KIRREL3: variants seen among roughly 807,000 people sequenced by gnomAD.
KIRREL3 encodes kin of IRRE-like protein 3.
Under a neutral mutation model 89.7 loss-of-function variants are expected in KIRREL3, and 36 were observed. The observed-to-expected ratio is 0.40, with a 90% CI of 0.31 to 0.53. The LOEUF (loss-of-function observed/expected upper bound fraction) is 0.53, where lower values mean the gene tolerates loss of function less well. Among genes scored for constraint, KIRREL3 ranks in the 20% least tolerant of loss-of-function variants. The pLI, the probability that KIRREL3 is intolerant of heterozygous loss-of-function variation, is 0.49. For synonymous variants in KIRREL3, 445 were observed against 441.4 expected (o/e 1.01, Z -0.10); for missense variants, 864 against 1,056.6 (o/e 0.82, Z 2.53).
chr11:126,946,145 C>G lies in KIRREL3; in HGVS notation c.55+54310G>C, dbSNP rs745416987. Among the ~76,000 whole-genome samples, 3 of 152,200 alleles carry G rather than the reference C, an allele frequency of 2.0e-5. No individual in the cohort carries two copies. Among genetic ancestry groups the G allele is most frequent in the Non-Finnish European group, 4.4e-5 (3 of 68,040 alleles). On this transcript the variant is annotated intron_variant, in intron 1 of 16. Coordinates refer to ENST00000525144, the MANE Select transcript of KIRREL3 (RefSeq NM_032531.4). The surrounding 1 kb of genome is among the most constrained non-coding windows in gnomAD (Gnocchi z 4.1). ...AACCCAGCACCCTAGAACTAAGGCT[C>G]AAGCCCCTTGTGAGAACAAGAACCC...
rs569998794 is a variant in KIRREL3 at position 126,647,709 on chromosome 11, T to C, written c.56-84797A>G. On this transcript the variant is annotated intron_variant, in intron 1 of 16. Transcript: ENST00000525144. The surrounding 1 kb of genome is among the most constrained non-coding windows in gnomAD (Gnocchi z 4.9). ...CTGGATGGCGGCCAGAGCCTCCTAATTGGTCTCGCAGCTTCCATCCTTGTC... is the reference window on the plus strand; with the variant it reads ...CTGGATGGCGGCCAGAGCCTCCTAACTGGTCTCGCAGCTTCCATCCTTGTC... Among the ~76,000 whole-genome samples the C allele has an allele frequency of 3.3e-5, 5 of 152,306 alleles. No homozygotes were observed. The highest frequency in any genetic ancestry group is 1.9e-4 in the East Asian group (1 of 5,172).
chr11:126,948,236 T>C lies in KIRREL3; in HGVS notation c.55+52219A>G, dbSNP rs1948675062. Among the ~76,000 whole-genome samples, 1 of 152,190 alleles carries C rather than the reference T, an allele frequency of 6.6e-6. No individual in the cohort carries two copies. The highest frequency in any genetic ancestry group is 1.5e-5 in the Non-Finnish European group (1 of 68,048). Reference sequence around the variant, plus strand: ...TTGATTTAATAAGAAACCAATTCTATATTATTGAAATTGTACTTGATAATG... The same window carrying C: ...TTGATTTAATAAGAAACCAATTCTACATTATTGAAATTGTACTTGATAATG... On this transcript the variant is annotated intron_variant, in intron 1 of 16. Coordinates refer to ENST00000525144, the MANE Select transcript of KIRREL3 (RefSeq NM_032531.4). This position sits in a 1 kb window ranked among gnomAD's most constrained non-coding sequence, Gnocchi z 4.5.
chr11:126,648,653 C>T (rs937979038), intron 1 of KIRREL3, among the ~76,000 whole-genome samples: 8 of 152,116 alleles, frequency 5.3e-5, no homozygotes, highest in South Asian at 2.1e-4. Context: ...TGTATCAATG[C>T]CTAGTGCACA....
At chr11:126,809,406 G>A (rs1951309014) in intron 1 of KIRREL3, among the ~76,000 whole-genome samples, 1 of 152,184 alleles carries the variant, frequency 6.6e-6, no homozygotes. Context: ...AGACAGACAA[G>A]GAACTGACCG....
rs116164622 is a variant in KIRREL3, at chr11:126,682,800, C to T, written c.56-119888G>A. Among the ~76,000 whole-genome samples, 1 of 152,220 alleles carries T rather than the reference C, an allele frequency of 6.6e-6. No homozygotes were observed. The highest frequency in any genetic ancestry group is 1.5e-5 in the Non-Finnish European group (1 of 68,040). On this transcript the variant is annotated intron_variant, in intron 1 of 16. Coordinates refer to ENST00000525144, the MANE Select transcript of KIRREL3 (RefSeq NM_032531.4). This position sits in a 1 kb window ranked among gnomAD's most constrained non-coding sequence, Gnocchi z 4.8. ...GGCAGAGTTCGGGCGGCAATGTTCA[C>T]TCACCTGCCGCTCACCTCCTGCTGT...
intron 1 of KIRREL3, among the ~76,000 whole-genome samples, chr11:126,923,664 G>C (rs192950537): frequency 6.6e-6 from 1 of 151,944 alleles, no homozygotes; most frequent in African/African-American, 2.4e-5. Context: ...GGCTGGCCTC[G>C]AACTCTTGAG....
In KIRREL3 at chr11:126,993,045, A is replaced by C. The variant is rs1190795026; in HGVS notation, c.55+7410T>G. Among the ~76,000 whole-genome samples, 3 of 152,170 alleles carry C rather than the reference A, an allele frequency of 2.0e-5. No individual in the cohort carries two copies. In the East Asian group the frequency reaches 5.8e-4, roughly 29 times the overall value. On this transcript the variant is annotated intron_variant, in intron 1 of 16. Transcript: ENST00000525144. The surrounding 1 kb of genome is among the most constrained non-coding windows in gnomAD (Gnocchi z 6.1). ...ACTTATTCTCTTGCTCACTTCATCCATCAGCTAGAAAGAACGATTAAAAAG... is the reference window on the plus strand; with the variant it reads ...ACTTATTCTCTTGCTCACTTCATCCCTCAGCTAGAAAGAACGATTAAAAAG...
intron 1 of KIRREL3, among the ~76,000 whole-genome samples, chr11:126,650,713 G>A (rs1019223733): frequency 1.3e-5 from 2 of 152,078 alleles, no homozygotes; most frequent in African/African-American, 2.4e-5. Context: ...ACATTTTCGT[G>A]TCTTCTTCTG....
rs146036641 is a variant in KIRREL3, at chr11:126,909,819, T to C, written c.55+90636A>G. On this transcript the variant is annotated intron_variant, in intron 1 of 16. Transcript: ENST00000525144. This position sits in a 1 kb window ranked among gnomAD's most constrained non-coding sequence, Gnocchi z 4.5. The stretch of plus-strand genomic sequence containing the variant: ...TAAAAAACTTGGTTAAAATATGGAT[T>C]AATCCCTGGGAGGGTGTTATGCAAG... 9.9e-5 allele frequency among the ~76,000 whole-genome samples: 15 copies of C among 152,276 alleles called. No homozygotes were observed. In the East Asian group the frequency reaches 2.7e-3, roughly 27 times the overall value.
chr11:126,751,512 G>T (rs1437128836), intron 1 of KIRREL3, among the ~76,000 whole-genome samples: 1 of 152,174 alleles, frequency 6.6e-6, no homozygotes, highest in Non-Finnish European at 1.5e-5. Flanking sequence ...AGGGAGAGAT[G>T]ATTTTCTACA....
chr11:126,774,186 A>G (rs977054540), intron 1 of KIRREL3, among the ~76,000 whole-genome samples: 16 of 146,210 alleles, frequency 1.1e-4, no homozygotes, highest in Non-Finnish European at 2.4e-4. Context: ...TTTTTTTTAA[A>G]TAAATGAATT....
intron 1 of KIRREL3, among the ~76,000 whole-genome samples, chr11:126,617,677 A>C (rs1412027056): frequency 2.0e-5 from 3 of 152,190 alleles, no homozygotes; most frequent in African/African-American, 7.2e-5. Flanking sequence ...GGTACATTGC[A>C]CATATTAGCT....
Position 126,490,624 on chromosome 11 carries a change from G to C in KIRREL3, c.434-17158C>G, listed in dbSNP as rs1957486099. Among the ~76,000 whole-genome samples, 1 of 152,158 alleles carries C rather than the reference G, an allele frequency of 6.6e-6. No homozygotes were observed. Among genetic ancestry groups the C allele is most frequent in the Admixed American group, 6.5e-5 (1 of 15,284 alleles). On this transcript the variant is annotated intron_variant, in intron 4 of 16. Coordinates refer to ENST00000525144, the MANE Select transcript of KIRREL3 (RefSeq NM_032531.4). This position sits in a 1 kb window ranked among gnomAD's most constrained non-coding sequence, Gnocchi z 4.2. ...ACGTTAATTAGTTATTTGAGCCTGT[G>C]TCTTCGTCATAAAATAAGAGGGATA...
chr11:126,955,330 C>A lies in KIRREL3; in HGVS notation c.55+45125G>T, dbSNP rs1279542553. Among the ~76,000 whole-genome samples, 2 of 152,238 alleles carry A rather than the reference C, an allele frequency of 1.3e-5. No homozygotes were observed. The highest frequency in any genetic ancestry group is 1.3e-4 in the Admixed American group (2 of 15,280). On this transcript the variant is annotated intron_variant, in intron 1 of 16. Coordinates refer to ENST00000525144, the MANE Select transcript of KIRREL3 (RefSeq NM_032531.4). This position sits in a 1 kb window ranked among gnomAD's most constrained non-coding sequence, Gnocchi z 4.6. ...ATCCTTGTTCTGGAGATACTTACAG[C>A]TGCCCGTGGTTTTTAATTAATACAC... is the stretch of plus-strand genomic sequence containing the variant.
At chr11:126,680,393 T>G (rs1209842658) in intron 1 of KIRREL3, among the ~76,000 whole-genome samples, 1 of 150,832 alleles carries the variant, frequency 6.6e-6, no homozygotes, top group Non-Finnish European at 1.5e-5. Flanking sequence ...ACTCTTCTAC[T>G]GGAGATATAT....
intron 1 of KIRREL3, among the ~76,000 whole-genome samples, chr11:126,633,991 C>G (rs891551547): frequency 6.6e-6 from 1 of 152,198 alleles, no homozygotes; most frequent in Non-Finnish European, 1.5e-5. Flanking sequence ...GAAAGTACAG[C>G]GTAGTCCACA....
chr11:126,812,109 T>G lies in KIRREL3; in HGVS notation c.55+188346A>C, dbSNP rs2156867. 0.86 allele frequency among the ~76,000 whole-genome samples: 131,552 copies of G among 152,208 alleles called. 57,175 individuals carry two copies. The highest frequency in any genetic ancestry group is 1 in the East Asian group (5,180 of 5,186). On this transcript the variant is annotated intron_variant, in intron 1 of 16. Transcript: ENST00000525144. This position sits in a 1 kb window ranked among gnomAD's most constrained non-coding sequence, Gnocchi z 5.2. ...AACAATTTATCCTGATGACCAGATA[T>G]AATAGATTCTGTTCATTAAGGAAAC...
chr11:126,827,057 TTGTC>T (rs1432530012), intron 1 of KIRREL3, among the ~76,000 whole-genome samples: 1 of 152,174 alleles, frequency 6.6e-6, no homozygotes, highest in Non-Finnish European at 1.5e-5. Flanking sequence ...GCCTTTAATT[TTGTC>T]TGTATTTTCC....
chr11:126,468,291 C>A (rs941073676), intron 5 of KIRREL3, among the ~76,000 whole-genome samples: 1 of 152,228 alleles, frequency 6.6e-6, no homozygotes, highest in Non-Finnish European at 1.5e-5. Flanking sequence ...AACCCACTGT[C>A]CCCAGACAGC....
Sources: gnomAD v4.1 joint callset for allele counts (sites outside exome capture counted in the v4.1 genomes callset) on GRCh38, gnomAD v4.1.1 for gene constraint, Gnocchi (gnomAD v3.1) non-coding constraint, MANE v1.5 for transcripts, NCBI Gene and HGNC (gene_info 2026-07-23, HGNC 2026-07-21) for gene names.